Variants in BAHD1 observed in about 807,000 individuals in gnomAD.
BAHD1 encodes the protein bromo adjacent homology domain containing 1, also known as bromo adjacent homology domain-containing 1 protein.
In BAHD1, 20 loss-of-function variants were observed where a neutral mutation model predicts 63.1. That is an observed-to-expected ratio of 0.32 (90% CI 0.22 to 0.46). The LOEUF (loss-of-function observed/expected upper bound fraction) is 0.46. Ranked by LOEUF, BAHD1 falls within the 20% of genes least tolerant of loss-of-function variation. The probability of loss-of-function intolerance (pLI) is 1.00; values close to 1 mark genes in which losing one functional copy is unlikely to be tolerated. For missense variants in BAHD1, 939 were observed against 1,071.8 expected (o/e 0.88, Z 1.73); for synonymous variants, 408 against 426.8 (o/e 0.96, Z 0.54).
At chr15:40,460,539 G>A (rs1425541101) in intron 2 of BAHD1, among the ~76,000 whole-genome samples, 1 of 152,184 alleles carries the variant, frequency 6.6e-6, no homozygotes, top group Non-Finnish European at 1.5e-5. Flanking sequence ...GATGGAATGC[G>A]ATCAGGGCCC....
rs547843269 is a variant in BAHD1 at position 40,464,125 on chromosome 15, G to A, written c.1975+105G>A. ...AGTTTGACCTGGCGTGAGTCTCCCC[G>A]TGTTCCTGGCACAGAGTCTGCCTTC... On this transcript the variant is annotated intron_variant, in intron 4 of 6. Transcript: ENST00000416165. 145 of 1,326,896 alleles carry A rather than the reference G, an allele frequency of 1.1e-4. 1 individual carries two copies. The East Asian group carries it at 2.9e-3, about 26-fold the overall frequency. The allele number at this position is 1,326,896 out of a possible 1,614,324, so 82.2% of individuals were successfully genotyped here.
At chr15:40,447,721 C>T (rs1893583663) in intron 1 of BAHD1, among the ~76,000 whole-genome samples, 1 of 152,018 alleles carries the variant, frequency 6.6e-6, no homozygotes, top group African/African-American at 2.4e-5. Context: ...TATGTCTTTG[C>T]ATGTTAAGAT....
rs1442259340 is a variant in BAHD1 at position 40,442,837 on chromosome 15, C to A, written c.-15+1569C>A. On this transcript the variant is annotated intron_variant, in intron 1 of 6. Coordinates refer to ENST00000416165, the MANE Select transcript of BAHD1 (RefSeq NM_014952.5). ...ACTTTCCTCCCTACTCTCTTCACCT[C>A]GCTGTCTTCCACAAAAAAAAAGAAA... Among the ~76,000 whole-genome samples, 10 of 152,174 alleles carry A rather than the reference C, an allele frequency of 6.6e-5. No homozygotes were observed. In the East Asian group the frequency reaches 1.7e-3, roughly 26 times the overall value.
intron 1 of BAHD1, among the ~76,000 whole-genome samples, chr15:40,444,525 T>G (rs1224935141): frequency 3.3e-5 from 5 of 152,196 alleles, no homozygotes; most frequent in Non-Finnish European, 7.3e-5. Context: ...TGAATCCATG[T>G]TTTATCTCTT....
chr15:40,459,908 TG>T lies in BAHD1; in HGVS notation c.1432+15del. 6.4e-7 allele frequency: 1 copy of T among 1,566,082 alleles called. No homozygotes were observed. ...GCCTTTTGCAGCAGGTGAGGCTTCC[TG>T]GGCCCAAGATGTACTGGGGAGTCTC... is the stretch of plus-strand genomic sequence containing the variant. On this transcript the variant is annotated intron_variant, in intron 2 of 6. Transcript: ENST00000416165.
At chr15:40,447,734 C>T (rs1345046692) in intron 1 of BAHD1, among the ~76,000 whole-genome samples, 1 of 152,028 alleles carries the variant, frequency 6.6e-6, no homozygotes, top group Non-Finnish European at 1.5e-5. Context: ...GTTAAGATGA[C>T]AGTTTAGAGC....
intron 1 of BAHD1, among the ~76,000 whole-genome samples, chr15:40,456,740 T>C (rs1278947929): frequency 2.0e-5 from 3 of 152,224 alleles, no homozygotes; most frequent in African/African-American, 7.2e-5. Flanking sequence ...GGGACTGCTC[T>C]CAGTTCCTCT....
In BAHD1 at chr15:40,466,217, G is replaced by T; in HGVS notation, c.*87G>T. 1 of 1,344,580 alleles carries T rather than the reference G, an allele frequency of 7.4e-7. No individual in the cohort carries two copies. Among genetic ancestry groups the T allele is most frequent in the South Asian group, 1.4e-5 (1 of 70,272 alleles). The allele number at this position is 1,344,580 out of a possible 1,614,324, so 83.3% of individuals were successfully genotyped here. A position where few individuals can be genotyped will look rare whatever the true frequency, so the allele number is the denominator to read the frequency against. Reference sequence around the variant, plus strand: ...CTTGAAGCACAGCACTTGGTTAGGGGGCCACAGAGGCCTAAGTTTGCTGGC... The same window carrying T: ...CTTGAAGCACAGCACTTGGTTAGGGTGCCACAGAGGCCTAAGTTTGCTGGC... On this transcript the variant is annotated 3_prime_UTR_variant, in exon 7 of 7. Coordinates refer to ENST00000416165, the MANE Select transcript of BAHD1 (RefSeq NM_014952.5).
chr15:40,451,145 CAAAAAAAAAAAAAA>C (rs397827665), intron 1 of BAHD1, among the ~76,000 whole-genome samples: 8 of 30,598 alleles, frequency 2.6e-4, no homozygotes, highest in Non-Finnish European at 4.2e-4. Context: ...AACTCCATCT[CAAAAAAAAAAAAAA>C]AAAAAAAAAA....
At chr15:40,463,618 A>G (rs1894115067) in intron 3 of BAHD1, among the ~76,000 whole-genome samples, 1 of 151,962 alleles carries the variant, frequency 6.6e-6, no homozygotes, top group South Asian at 2.1e-4. Flanking sequence ...GCTGTCGGGT[A>G]TGGTGGTCAG....
At chr15:40,441,945 C>T (rs952180939) in intron 1 of BAHD1, among the ~76,000 whole-genome samples, 57 of 151,584 alleles carry the variant, frequency 3.8e-4, no homozygotes, top group African/African-American at 1.3e-3. Context: ...GCGCCGAAGA[C>T]GGAAGGGGAC....
chr15:40,438,641 C>T (rs1158034014), upstream of BAHD1, among the ~76,000 whole-genome samples: 1 of 152,112 alleles, frequency 6.6e-6, no homozygotes, highest in South Asian at 2.1e-4. Context: ...CCCACTGAGA[C>T]CCCAGATAAG....
chr15:40,453,552 AT>A (rs1273297918), intron 1 of BAHD1: 1 of 152,174 alleles, frequency 6.6e-6, no homozygotes, highest in African/African-American at 2.4e-5. Context: ...TTTAGCTGTA[AT>A]TGGAAGGAGG....
chr15:40,446,809 T>A (rs1421391662), intron 1 of BAHD1, among the ~76,000 whole-genome samples: 1 of 152,164 alleles, frequency 6.6e-6, no homozygotes, highest in Non-Finnish European at 1.5e-5. Context: ...GGATGGGACC[T>A]GTCTTTCTGC....
chr15:40,465,016 T>G (rs1051363759), intron 5 of BAHD1: 60 of 421,530 alleles, frequency 1.4e-4, no homozygotes, highest in African/African-American at 1.2e-3. Context: ...CACTTTCCCT[T>G]GCAGGGACTT....
intron 1 of BAHD1, among the ~76,000 whole-genome samples, chr15:40,451,076 G>A (rs1327916861): frequency 2.0e-5 from 3 of 149,248 alleles, no homozygotes; most frequent in African/African-American, 5.0e-5. Context: ...CCCAGGAGGC[G>A]GAGGTTGCAG....
upstream of BAHD1, among the ~76,000 whole-genome samples, chr15:40,439,047 A>G (rs561497224): frequency 6.6e-6 from 1 of 152,140 alleles, no homozygotes; most frequent in East Asian, 1.9e-4. Flanking sequence ...TGAGGTGGGG[A>G]GTAGGGCTGG....
At chr15:40,455,355 C>T (rs1468672851) in intron 1 of BAHD1, among the ~76,000 whole-genome samples, 2 of 152,184 alleles carry the variant, frequency 1.3e-5, no homozygotes, top group Admixed American at 1.3e-4. Flanking sequence ...GGTTAAAGAG[C>T]AAGATTAGTC....
At chr15:40,461,138 C>G (rs1390586094) in intron 2 of BAHD1, among the ~76,000 whole-genome samples, 1 of 152,154 alleles carries the variant, frequency 6.6e-6, no homozygotes, top group East Asian at 1.9e-4. Context: ...TGCTCTGTGT[C>G]TCAGTTTTCT....
Sources: gnomAD v4.1 joint callset for allele counts (sites outside exome capture counted in the v4.1 genomes callset) on GRCh38, gnomAD v4.1.1 for gene constraint, MANE v1.5 for transcripts, NCBI Gene and HGNC (gene_info 2026-07-23, HGNC 2026-07-21) for gene names.